SLC44A5: variants seen among roughly 807,000 people sequenced by gnomAD.
SLC44A5 encodes solute carrier family 44 member 5, also known as choline transporter-like protein 5.
In SLC44A5, 57 loss-of-function variants were observed where a neutral mutation model predicts 101.8. The ratio of observed to expected loss-of-function variants is 0.56; its 90% CI spans 0.45 to 0.70. The LOEUF is 0.70. SLC44A5 is among the 30% of genes least tolerant of loss of function. SLC44A5 has a pLI of 0.00. For missense variants in SLC44A5, 737 were observed against 853.1 expected (o/e 0.86, Z 1.70); for synonymous variants, 281 against 290.9 (o/e 0.97, Z 0.35).
At chr1:75,534,289 AAAT>A (rs1465693355) in intron 2 of SLC44A5, among the ~76,000 whole-genome samples, 2 of 152,210 alleles carry the variant, frequency 1.3e-5, no homozygotes, top group Non-Finnish European at 2.9e-5. Context: ...AAGAAAAAAA[AAAT>A]AAAGCCGGGC....
At chr1:75,530,812 G>A (rs1266940495) in intron 2 of SLC44A5, among the ~76,000 whole-genome samples, 7 of 152,102 alleles carry the variant, frequency 4.6e-5, no homozygotes. Context: ...GACAGAGCCT[G>A]CAATCCCATC....
At chr1:75,241,732 T>C (rs1648646636) in intron 9 of SLC44A5, among the ~76,000 whole-genome samples, 2 of 152,090 alleles carry the variant, frequency 1.3e-5, no homozygotes, top group Non-Finnish European at 2.9e-5. Flanking sequence ...AAGCACCAAA[T>C]GATCAATCTG....
the SLC44A5 span, among the ~76,000 whole-genome samples, chr1:75,620,629 T>C: frequency 1.3e-5 from 2 of 152,240 alleles, no homozygotes; most frequent in African/African-American, 2.4e-5. Context: ...AAATGTCTTC[T>C]TTCAAGAAGT....
chr1:75,526,492 T>C (rs1670415099), intron 2 of SLC44A5, among the ~76,000 whole-genome samples: 1 of 152,108 alleles, frequency 6.6e-6, no homozygotes, highest in South Asian at 2.1e-4. Flanking sequence ...AGGCCCTTAG[T>C]GTGGCTGCAA....
chr1:75,223,829 C>T (rs888526913), intron 13 of SLC44A5, among the ~76,000 whole-genome samples: 4 of 152,140 alleles, frequency 2.6e-5, no homozygotes, highest in African/African-American at 4.8e-5. Flanking sequence ...TTTATGTTTT[C>T]ATGTACATTT....
chr1:75,681,793 A>G, the SLC44A5 span, among the ~76,000 whole-genome samples: 2 of 151,714 alleles, frequency 1.3e-5, no homozygotes, highest in African/African-American at 4.8e-5. Context: ...AAGGGTATTC[A>G]ATTAGGAAAA....
At chr1:75,476,507 G>C (rs1667411980) in intron 2 of SLC44A5, among the ~76,000 whole-genome samples, 1 of 152,146 alleles carries the variant, frequency 6.6e-6, no homozygotes, top group Non-Finnish European at 1.5e-5. Context: ...TCAAAGAAAG[G>C]GGTGACAGAC....
At chr1:75,537,498 T>C (rs1671120102) in intron 2 of SLC44A5, among the ~76,000 whole-genome samples, 1 of 152,042 alleles carries the variant, frequency 6.6e-6, no homozygotes, top group South Asian at 2.1e-4. Context: ...AGCAAGTATG[T>C]ACAATTCTGA....
At chr1:75,653,013 T>C in the SLC44A5 span, among the ~76,000 whole-genome samples, 1 of 152,210 alleles carries the variant, frequency 6.6e-6, no homozygotes, top group Non-Finnish European at 1.5e-5. Context: ...TGCTATGCCA[T>C]CTGACCATTC....
chr1:75,542,986 T>C (rs1250688393), intron 1 of SLC44A5, among the ~76,000 whole-genome samples: 3 of 152,184 alleles, frequency 2.0e-5, no homozygotes, highest in African/African-American at 7.2e-5. Flanking sequence ...TGATAGGAAT[T>C]TCCTTCCTTA....
chr1:75,608,752 G>C (rs1178213963), intron 1 of SLC44A5, among the ~76,000 whole-genome samples: 1 of 151,450 alleles, frequency 6.6e-6, no homozygotes, highest in African/African-American at 2.4e-5. Flanking sequence ...CCTTCCTTCT[G>C]GAAGTCTCCT....
chr1:75,268,539 A>C (rs957731929), intron 6 of SLC44A5, among the ~76,000 whole-genome samples: 5 of 152,164 alleles, frequency 3.3e-5, no homozygotes, highest in Non-Finnish European at 7.3e-5. Context: ...AGCCTTTAGA[A>C]AACTGTCTGG....
At chr1:75,284,668 C>T (rs1403262849) in intron 5 of SLC44A5, among the ~76,000 whole-genome samples, 2 of 151,908 alleles carry the variant, frequency 1.3e-5, no homozygotes, top group Non-Finnish European at 2.9e-5. Flanking sequence ...CTTTTATTAC[C>T]TTAAGGTGTG....
the SLC44A5 span, among the ~76,000 whole-genome samples, chr1:75,681,962 C>T: frequency 6.6e-6 from 1 of 152,042 alleles, no homozygotes; most frequent in Non-Finnish European, 1.5e-5. Context: ...TATACACCAA[C>T]AACAGACAAA....
At chr1:75,617,745 C>G in the SLC44A5 span, among the ~76,000 whole-genome samples, 1 of 152,176 alleles carries the variant, frequency 6.6e-6, no homozygotes, top group Non-Finnish European at 1.5e-5. Context: ...TTTTCCTCTT[C>G]CAAACAGCTG....
chr1:75,530,518 T>C (rs1670656650), intron 2 of SLC44A5, among the ~76,000 whole-genome samples: 1 of 152,234 alleles, frequency 6.6e-6, no homozygotes, highest in Non-Finnish European at 1.5e-5. Flanking sequence ...CTATTTGGAC[T>C]GTCCTAAATC....
the SLC44A5 span, among the ~76,000 whole-genome samples, chr1:75,717,075 T>C: frequency 3.9e-5 from 6 of 151,926 alleles, no homozygotes; most frequent in Non-Finnish European, 7.4e-5. Flanking sequence ...GGTACATATA[T>C]ACCATGGAAT....
chr1:75,535,195 T>G (rs891207940), intron 2 of SLC44A5, among the ~76,000 whole-genome samples: 1 of 152,112 alleles, frequency 6.6e-6, no homozygotes, highest in Non-Finnish European at 1.5e-5. Context: ...TTAATCCATT[T>G]TAGCACCTAT....
At chr1:75,664,717 C>T in the SLC44A5 span, among the ~76,000 whole-genome samples, 11 of 151,958 alleles carry the variant, frequency 7.2e-5, no homozygotes, top group South Asian at 6.2e-4. Context: ...GTCAGGAGAT[C>T]GAGACTATCC....
Sources: gnomAD v4.1 joint callset for allele counts (sites outside exome capture counted in the v4.1 genomes callset) on GRCh38, gnomAD v4.1.1 for gene constraint, MANE v1.5 for transcripts, NCBI Gene and HGNC (gene_info 2026-07-23, HGNC 2026-07-21) for gene names.